The following MAGI1 variants were observed in gnomAD, a reference collection of about 807,000 sequenced individuals.
MAGI1 encodes membrane-associated guanylate kinase, WW and PDZ domain-containing protein 1.
A neutral mutation model predicts 139.9 loss-of-function variants in MAGI1; 58 were observed. The ratio of observed to expected loss-of-function variants is 0.41; its 90% CI spans 0.34 to 0.52. The LOEUF (loss-of-function observed/expected upper bound fraction) is 0.52. MAGI1 is among the 20% of genes least tolerant of loss of function. The probability of loss-of-function intolerance (pLI) is 0.12; values close to 1 mark genes in which losing one functional copy is unlikely to be tolerated. For missense variants in MAGI1, 1,874 were observed against 1,901.6 expected, an observed-to-expected ratio of 0.99 and a Z score of 0.27; for synonymous variants, 812 against 737.9, an observed-to-expected ratio of 1.10 and a Z score of -1.63.
chr3:65,401,368 A>ACCCACCCCCCCCCCCCCC, intron 13 of MAGI1, 71 bp downstream of exon 13: 3 of 1,323,562 alleles, frequency 2.3e-6, no homozygotes, highest in Non-Finnish European at 3.2e-6. Context: ...CACACAGAGT[A>ACCCACCCCCCCCCCCCCC]CCCTCCCACC....
At chr3:65,860,884 G>A (rs1462994226) in intron 1 of MAGI1, among the ~76,000 whole-genome samples, 3 of 151,978 alleles carry the variant, frequency 2.0e-5, no homozygotes, top group African/African-American at 7.3e-5. Flanking sequence ...ATTACTTCTA[G>A]GGTAACATAG....
chr3:65,719,894 C>A (rs560826694), intron 1 of MAGI1: 1 of 152,184 alleles, frequency 6.6e-6, no homozygotes, highest in Non-Finnish European at 1.5e-5. Context: ...CAGTGTCAAA[C>A]TTAAAAATGT....
intron 2 of MAGI1, among the ~76,000 whole-genome samples, chr3:65,556,887 GTA>G (rs1310884450): frequency 6.6e-6 from 1 of 152,144 alleles, no homozygotes; most frequent in Non-Finnish European, 1.5e-5. Flanking sequence ...TCATCTCTCA[GTA>G]TATGATTCCA....
At chr3:65,878,303 T>A (rs758552539) in intron 1 of MAGI1, among the ~76,000 whole-genome samples, 4 of 151,900 alleles carry the variant, frequency 2.6e-5, no homozygotes, top group Non-Finnish European at 4.4e-5. Flanking sequence ...GATCACCTGA[T>A]ATCAGGTGTT....
intron 2 of MAGI1, among the ~76,000 whole-genome samples, chr3:65,543,254 G>A (rs1298874601): frequency 6.6e-6 from 1 of 152,196 alleles, no homozygotes; most frequent in Non-Finnish European, 1.5e-5. Context: ...GGAAACAGCA[G>A]ATGTTGGAGA....
intron 1 of MAGI1, among the ~76,000 whole-genome samples, chr3:65,624,132 G>A (rs1363728934): frequency 6.6e-6 from 1 of 152,172 alleles, no homozygotes; most frequent in Non-Finnish European, 1.5e-5. Context: ...ATCAAGTGTT[G>A]GCAAGGTTGT....
At chr3:65,690,819 T>C (rs1015157727) in intron 1 of MAGI1, among the ~76,000 whole-genome samples, 3 of 121,682 alleles carry the variant, frequency 2.5e-5, no homozygotes, top group Non-Finnish European at 4.9e-5. Context: ...ACCACTATTA[T>C]AGTCTATGTT....
At chr3:65,753,966 G>A (rs1290396217) in intron 1 of MAGI1, among the ~76,000 whole-genome samples, 1 of 152,154 alleles carries the variant, frequency 6.6e-6, no homozygotes, top group South Asian at 2.1e-4. Context: ...TGTAGAGAAT[G>A]TCTGACTGAA....
intron 2 of MAGI1, among the ~76,000 whole-genome samples, chr3:65,499,632 A>G (rs1403697545): frequency 1.3e-5 from 2 of 152,226 alleles, no homozygotes; most frequent in Non-Finnish European, 2.9e-5. Flanking sequence ...CAAAAAAAAA[A>G]AAGAATGGTT....
chr3:65,518,048 T>C (rs1450280518), intron 2 of MAGI1, among the ~76,000 whole-genome samples: 2 of 152,224 alleles, frequency 1.3e-5, no homozygotes, highest in African/African-American at 4.8e-5. Flanking sequence ...CTCATTACTG[T>C]TGAATCCTAA....
chr3:66,032,893 C>G (rs1299050343), intron 1 of MAGI1, among the ~76,000 whole-genome samples: 1 of 119,676 alleles, frequency 8.4e-6, no homozygotes, highest in African/African-American at 3.2e-5. Flanking sequence ...CCAGCCTGGG[C>G]AACAGAGCGA....
intron 17 of MAGI1, 96 bp downstream of exon 17, chr3:65,379,165 T>A (rs1942827804): frequency 6.3e-7 from 1 of 1,585,814 alleles, no homozygotes; most frequent in Middle Eastern, 1.7e-4. Flanking sequence ...ATAAAGCATT[T>A]CTGCACGTGA....
intron 1 of MAGI1, among the ~76,000 whole-genome samples, chr3:65,838,320 C>T (rs1000681953): frequency 6.6e-6 from 1 of 151,980 alleles, no homozygotes; most frequent in African/African-American, 2.4e-5. Context: ...CAAAACAAAA[C>T]AAAACAAAAA....
At chr3:65,479,767 G>C (rs1329984407) in intron 3 of MAGI1, among the ~76,000 whole-genome samples, 1 of 151,980 alleles carries the variant, frequency 6.6e-6, no homozygotes, top group Non-Finnish European at 1.5e-5. Context: ...TAAAAAGTAA[G>C]CTATTTTTTT....
chr3:65,669,887 G>C (rs1434497482), intron 1 of MAGI1, among the ~76,000 whole-genome samples: 1 of 152,172 alleles, frequency 6.6e-6, no homozygotes, highest in Non-Finnish European at 1.5e-5. Flanking sequence ...CTTTCAATTA[G>C]AGCACAAACA....
intron 12 of MAGI1, among the ~76,000 whole-genome samples, chr3:65,406,005 C>T (rs1024987838): frequency 2.0e-5 from 3 of 151,476 alleles, no homozygotes; most frequent in South Asian, 2.1e-4. Context: ...GGATTACAGG[C>T]GTGAGCCGCC....
At chr3:65,784,576 G>A (rs1353367042) in intron 1 of MAGI1, among the ~76,000 whole-genome samples, 1 of 152,084 alleles carries the variant, frequency 6.6e-6, no homozygotes, top group African/African-American at 2.4e-5. Flanking sequence ...GCGGTGACGG[G>A]CGCCTGTAGT....
intron 1 of MAGI1, among the ~76,000 whole-genome samples, chr3:65,773,143 G>A (rs1268641545): frequency 6.6e-6 from 1 of 152,150 alleles, no homozygotes; most frequent in East Asian, 1.9e-4. Context: ...TGACAGAGTA[G>A]AAAAAGAGCT....
At chr3:65,448,515 G>A (rs1372929517) in intron 6 of MAGI1, among the ~76,000 whole-genome samples, 1 of 152,098 alleles carries the variant, frequency 6.6e-6, no homozygotes, top group African/African-American at 2.4e-5. Flanking sequence ...AGTGCTGCTT[G>A]AAAAATGGAA....
Sources: allele counts gnomAD v4.1 joint callset (sites outside exome capture counted in the v4.1 genomes callset), GRCh38; gene constraint gnomAD v4.1.1; transcripts MANE v1.5; gene names NCBI Gene and HGNC (gene_info 2026-07-23, HGNC 2026-07-21).